The following OTOGL variants were observed in gnomAD, a reference collection of about 807,000 sequenced individuals.
The protein encoded by OTOGL is otogelin-like protein.
In OTOGL, 285 loss-of-function variants were observed where a neutral mutation model predicts 318.5. That is an observed-to-expected ratio of 0.89 (90% CI 0.81 to 0.99). The LOEUF (loss-of-function observed/expected upper bound fraction) is 0.99, where lower values mean the gene tolerates loss of function less well. Ranked by LOEUF, OTOGL falls within the 50% of genes least tolerant of loss-of-function variation. OTOGL has a pLI of 0.00. For missense variants in OTOGL, 2,899 were observed against 2,845.6 expected, an observed-to-expected ratio of 1.02 and a Z score of -0.43; for synonymous variants, 987 against 936.5, an observed-to-expected ratio of 1.05 and a Z score of -0.99.
rs1362747411 is a variant in OTOGL, at chr12:80,378,864, G to A, written c.*816G>A. The A allele has an allele frequency of 6.6e-6, 1 of 152,116 alleles. No individual in the cohort carries two copies. The highest frequency in any genetic ancestry group is 1.5e-5 in the Non-Finnish European group (1 of 67,920). 9.4% of individuals were successfully genotyped at this position (152,116 alleles called of 1,614,324 possible). On this transcript the variant is annotated 3_prime_UTR_variant, in exon 59 of 59. Transcript: ENST00000547103. The stretch of plus-strand genomic sequence containing the variant: ...CAATAGTAAGGAGCAGGGAAATATA[G>A]CATCATTTGCTAAATAGAGGAGATA...
In OTOGL at chr12:80,296,815, G is replaced by A; in HGVS notation, c.2929-12G>A. On this transcript the variant is annotated splice_polypyrimidine_tract_variant and intron_variant, in intron 26 of 58. Coordinates refer to ENST00000547103, the MANE Select transcript of OTOGL (RefSeq NM_001378609.3). ...ATATATTTGTATTAATAAAATATTTGTGACATTTCAGAGTGCAGATGATTC... is the reference window on the plus strand; with the variant it reads ...ATATATTTGTATTAATAAAATATTTATGACATTTCAGAGTGCAGATGATTC... 2.8e-6 allele frequency: 4 copies of A among 1,430,152 alleles called. No individual in the cohort carries two copies. Among genetic ancestry groups the A allele is most frequent in the South Asian group, 1.5e-5 (1 of 67,520 alleles). The allele number at this position is 1,430,152 out of a possible 1,614,324, so 88.6% of individuals were successfully genotyped here.
In OTOGL at chr12:80,243,537, A is replaced by T. The variant is rs534864844; in HGVS notation, c.1052+4098A>T. Among the ~76,000 whole-genome samples the T allele has an allele frequency of 3.3e-5, 5 of 151,824 alleles. No individual in the cohort carries two copies. In the East Asian group the frequency reaches 9.7e-4, roughly 29 times the overall value. On this transcript the variant is annotated intron_variant, in intron 11 of 58. Coordinates refer to ENST00000547103, the MANE Select transcript of OTOGL (RefSeq NM_001378609.3). ...AAAAAAGGTGAATGGGGAGAGTAAAAATATGGTGAATACAATAGAATTTCC... is the reference window on the plus strand; with the variant it reads ...AAAAAAGGTGAATGGGGAGAGTAAATATATGGTGAATACAATAGAATTTCC...
At position 80,340,132 on chromosome 12, in the gene OTOGL, C is replaced by T. The variant is rs562259763; in HGVS notation, c.5050+868C>T. The stretch of plus-strand genomic sequence containing the variant: ...GTACAAATATATCTATTTTTAATCT[C>T]AGTAAATATTAATTAAATAAAAGTT... On this transcript the variant is annotated intron_variant, in intron 43 of 58. Transcript: ENST00000547103. 9.2e-5 allele frequency among the ~76,000 whole-genome samples: 14 copies of T among 152,222 alleles called. 1 individual carries two copies. In the South Asian group the frequency reaches 1.0e-3, roughly 11 times the overall value.
At chr12:80,356,981 TGTG>T in intron 49 of OTOGL, 67 bp downstream of exon 49, 1 of 1,023,866 alleles carries the variant, frequency 9.8e-7, no homozygotes, top group South Asian at 2.1e-5. Context: ...TCTTATTTGA[TGTG>T]AATTTTATGA....
chr12:80,216,489 C>A (rs1877730903), intron 4 of OTOGL, among the ~76,000 whole-genome samples: 1 of 152,124 alleles, frequency 6.6e-6, no homozygotes, highest in Admixed American at 6.5e-5. Context: ...TTTAGTAAGC[C>A]ACAACTATTT....
intron 1 of OTOGL, chr12:80,103,363 T>C: frequency 9.5e-7 from 1 of 1,053,052 alleles, no homozygotes; most frequent in Non-Finnish European, 1.5e-6. Flanking sequence ...GTGATCGATC[T>C]TCTTTTCTTT....
chr12:80,351,550 G>A (rs1469947512), intron 44 of OTOGL, among the ~76,000 whole-genome samples: 3 of 152,120 alleles, frequency 2.0e-5, no homozygotes, highest in Admixed American at 6.6e-5. Flanking sequence ...TCTTGACCTC[G>A]TGATCCACCT....
At chr12:80,200,955 A>T (rs190624447) in intron 1 of OTOGL, among the ~76,000 whole-genome samples, 44 of 152,320 alleles carry the variant, frequency 2.9e-4, no homozygotes, top group African/African-American at 9.4e-4. Context: ...CACCAAAAGG[A>T]TAATGTTTAA....
At chr12:80,261,264 G>A (rs1433878677) in intron 18 of OTOGL, among the ~76,000 whole-genome samples, 1 of 152,068 alleles carries the variant, frequency 6.6e-6, no homozygotes, top group African/African-American at 2.4e-5. Flanking sequence ...AAGAAGTTTT[G>A]ATAGTGTCTG....
chr12:80,339,329 C>G, intron 43 of OTOGL, 65 bp downstream of exon 43: 1 of 1,039,340 alleles, frequency 9.6e-7, no homozygotes. Context: ...TTTTTCTATT[C>G]ACGCTATGCC....
At chr12:80,354,364 G>A (rs1011460017) in intron 46 of OTOGL, among the ~76,000 whole-genome samples, 2 of 152,154 alleles carry the variant, frequency 1.3e-5, no homozygotes, top group Non-Finnish European at 2.9e-5. Flanking sequence ...CAGCAGAAGT[G>A]TGATTAAATG....
chr12:80,245,302 G>A (rs1256790617), intron 11 of OTOGL, among the ~76,000 whole-genome samples: 1 of 27,470 alleles, frequency 3.6e-5, no homozygotes, highest in Non-Finnish European at 6.8e-5. Context: ...TAGGTCTAAC[G>A]TTTAAATCTG....
chr12:80,112,906 G>A, intron 1 of OTOGL, among the ~76,000 whole-genome samples: 1 of 151,974 alleles, frequency 6.6e-6, no homozygotes, highest in Non-Finnish European at 1.5e-5. Context: ...TGGTTGGTAG[G>A]CTATTAATTA....
intron 26 of OTOGL, among the ~76,000 whole-genome samples, chr12:80,294,683 A>G (rs892505829): frequency 2.6e-5 from 4 of 152,190 alleles, no homozygotes; most frequent in Non-Finnish European, 4.4e-5. Context: ...TCTAGACACT[A>G]TAATACTTAT....
chr12:80,347,464 C>A (rs766884580), intron 44 of OTOGL, among the ~76,000 whole-genome samples: 1 of 152,198 alleles, frequency 6.6e-6, no homozygotes, highest in African/African-American at 2.4e-5. Flanking sequence ...CCTGCAAAGA[C>A]ATGAATTCAT....
rs777371899 is a variant in OTOGL, at chr12:80,271,696, A to ACC, written c.2569_2570dup (p.Glu858LeufsTer17). Reference sequence around the variant, plus strand: ...GAGTATTTCGACTGCAGGTTTCCTGACCCTGAATTACCAGCTGGTGGTGTT... The same window carrying ACC: ...GAGTATTTCGACTGCAGGTTTCCTGACCCCCTGAATTACCAGCTGGTGGTGTT... On this transcript the variant is annotated frameshift_variant, in exon 24 of 59. Transcript: ENST00000547103. LOFTEE classifies it high-confidence loss of function. The ACC allele has an allele frequency of 6.2e-7, 1 of 1,613,108 alleles. No homozygotes were observed. The highest frequency in any genetic ancestry group is 1.1e-5 in the South Asian group (1 of 91,070).
intron 1 of OTOGL, among the ~76,000 whole-genome samples, chr12:80,162,778 A>C (rs1335101129): frequency 6.6e-6 from 1 of 152,018 alleles, no homozygotes; most frequent in Non-Finnish European, 1.5e-5. Flanking sequence ...ACCTTCAAAT[A>C]ATGTTACTTT....
chr12:80,110,823 G>A (rs376368390), intron 1 of OTOGL, among the ~76,000 whole-genome samples: 9 of 152,102 alleles, frequency 5.9e-5, no homozygotes, highest in Admixed American at 2.6e-4. Flanking sequence ...TTGAGGAATC[G>A]CCACACTGTC....
chr12:80,113,401 T>C (rs1031939044), intron 1 of OTOGL, among the ~76,000 whole-genome samples: 1 of 152,222 alleles, frequency 6.6e-6, no homozygotes, highest in Non-Finnish European at 1.5e-5. Context: ...TGCTATAAAT[T>C]TCCCTCTAAA....
Sources: allele counts gnomAD v4.1 joint callset (sites outside exome capture counted in the v4.1 genomes callset), GRCh38; gene constraint gnomAD v4.1.1; transcripts MANE v1.5; gene names NCBI Gene and HGNC (gene_info 2026-07-23, HGNC 2026-07-21).